Variants in BICC1 observed in about 807,000 individuals in gnomAD.
The protein encoded by BICC1 is BicC family RNA binding protein 1, also known as protein bicaudal C homolog 1.
In BICC1, 43 loss-of-function variants were observed where a neutral mutation model predicts 111.0. The ratio of observed to expected loss-of-function variants is 0.39; its 90% CI spans 0.30 to 0.50. The LOEUF is 0.50. BICC1 is among the 20% of genes least tolerant of loss of function. The pLI is 0.88. For missense variants in BICC1, 1,091 were observed against 1,203.2 expected (o/e 0.91, Z 1.38); for synonymous variants, 467 against 434.4 (o/e 1.07, Z -0.93).
rs1397134105 is a variant in BICC1, at chr10:58,828,964, G to A, written c.*73G>A. On this transcript the variant is annotated 3_prime_UTR_variant, in exon 21 of 21. Coordinates refer to ENST00000373886, the MANE Select transcript of BICC1 (RefSeq NM_001080512.3). The stretch of plus-strand genomic sequence containing the variant: ...AGGAGATGTATGAACAGCCTTCACA[G>A]CACACCATCCTTAGCACTCTGGGTG... The A allele has an allele frequency of 2.5e-6, 4 of 1,575,618 alleles. No homozygotes were observed. The highest frequency in any genetic ancestry group is 1.3e-5 in the African/African-American group (1 of 74,112).
rs1275020307 is a variant in BICC1 at position 58,813,984 on chromosome 10, C to T, written c.2531C>T (p.Ser844Leu). ...IGSPKRKQNK[S>L]TEHYLSSSNY... Reference sequence around the variant, plus strand: ...AGCCCTAAGCGTAAACAAAACAAATCAAGTGAGCGTTGTGTTTTATGCACA... The same window carrying T: ...AGCCCTAAGCGTAAACAAAACAAATTAAGTGAGCGTTGTGTTTTATGCACA... Residue 844 changes from serine (S) to leucine (L), a missense_variant and splice_region_variant, in exon 18 of 21, where the codon TCA becomes TTA. Ser to Leu is a moderately radical substitution (Grantham distance 145, BLOSUM62 -2). Around this residue, in one of 3 missense-constraint regions of BICC1, gnomAD observed 231 missense variants for 256.2 expected, o/e 0.90. Transcript: ENST00000373886. 1.2e-6 allele frequency: 2 copies of T among 1,613,860 alleles called. No individual in the cohort carries two copies. Among genetic ancestry groups the T allele is most frequent in the Non-Finnish European group, 1.7e-6 (2 of 1,179,922 alleles).
chr10:58,758,243 G>T (rs1842201666), intron 3 of BICC1, among the ~76,000 whole-genome samples: 1 of 152,068 alleles, frequency 6.6e-6, no homozygotes, highest in African/African-American at 2.4e-5. Context: ...TCATAAGTTT[G>T]CGGTTCCCAA....
intron 1 of BICC1, among the ~76,000 whole-genome samples, chr10:58,553,580 T>G (rs1158093639): frequency 6.6e-6 from 1 of 152,144 alleles, no homozygotes; most frequent in African/African-American, 2.4e-5. Context: ...AGTTGCTAAG[T>G]TTGTATTATT....
At chr10:58,784,640 G>A (rs1842961530) in intron 3 of BICC1, among the ~76,000 whole-genome samples, 1 of 152,048 alleles carries the variant, frequency 6.6e-6, no homozygotes, top group African/African-American at 2.4e-5. Context: ...TCAACCCTTA[G>A]AACAGGGCGG....
At chr10:58,534,881 T>G (rs1276401304) in intron 1 of BICC1, among the ~76,000 whole-genome samples, 1 of 151,004 alleles carries the variant, frequency 6.6e-6, no homozygotes, top group Non-Finnish European at 1.5e-5. Flanking sequence ...TTTAAAGAGA[T>G]AGATTTTTAA....
At chr10:58,515,729 G>T (rs1194040202) in intron 1 of BICC1, among the ~76,000 whole-genome samples, 1 of 152,138 alleles carries the variant, frequency 6.6e-6, no homozygotes, top group Non-Finnish European at 1.5e-5. Context: ...CCTTCAGTTT[G>T]CCCATCTGTA....
chr10:58,792,132 C>T (rs1161210267), intron 8 of BICC1, among the ~76,000 whole-genome samples: 1 of 152,104 alleles, frequency 6.6e-6, no homozygotes, highest in Admixed American at 6.6e-5. Flanking sequence ...ATGGTAACCT[C>T]TCCTGATATC....
chr10:58,812,623 A>G (rs901953551), intron 17 of BICC1, among the ~76,000 whole-genome samples: 1 of 151,704 alleles, frequency 6.6e-6, no homozygotes, highest in African/African-American at 2.4e-5. Context: ...GATTACAGGT[A>G]CGCACCACCA....
intron 1 of BICC1, among the ~76,000 whole-genome samples, chr10:58,613,926 C>T (rs990730453): frequency 3.3e-5 from 5 of 152,102 alleles, no homozygotes; most frequent in African/African-American, 1.2e-4. Flanking sequence ...ATGAAAGTGT[C>T]AGCTTTTCTG....
intron 1 of BICC1, among the ~76,000 whole-genome samples, chr10:58,547,932 C>T (rs536105399): frequency 6.6e-6 from 1 of 152,216 alleles, no homozygotes; most frequent in African/African-American, 2.4e-5. Context: ...CCAAGGAGCC[C>T]TGGTTTCTTT....
chr10:58,771,429 A>G (rs914401227), intron 3 of BICC1, among the ~76,000 whole-genome samples: 2 of 152,098 alleles, frequency 1.3e-5, no homozygotes, highest in African/African-American at 4.8e-5. Flanking sequence ...ATTAGATCAC[A>G]GGGCCTACAG....
intron 1 of BICC1, among the ~76,000 whole-genome samples, chr10:58,527,060 C>G (rs1324702264): frequency 1.3e-5 from 2 of 152,182 alleles, no homozygotes; most frequent in African/African-American, 4.8e-5. Flanking sequence ...TAAAAGTGTT[C>G]CTATTTCTCC....
At chr10:58,769,373 TGTATGTG>T (rs1180617200) in intron 3 of BICC1, among the ~76,000 whole-genome samples, 18 of 82,692 alleles carry the variant, frequency 2.2e-4, no homozygotes, top group South Asian at 1.0e-3. Context: ...AGTTTTATAA[TGTATGTG>T]TGTGTGTGTG....
chr10:58,572,555 A>C (rs1843991579), intron 1 of BICC1, among the ~76,000 whole-genome samples: 1 of 152,118 alleles, frequency 6.6e-6, no homozygotes, highest in Non-Finnish European at 1.5e-5. Flanking sequence ...TTTCATTTTT[A>C]ATCTAGTGTG....
intron 3 of BICC1, among the ~76,000 whole-genome samples, chr10:58,703,332 G>C (rs1218252298): frequency 6.6e-6 from 1 of 151,416 alleles, no homozygotes; most frequent in African/African-American, 2.4e-5. Context: ...GGTAATGTTT[G>C]CATTTTTTGT....
At chr10:58,750,598 A>G (rs1331211041) in intron 3 of BICC1, among the ~76,000 whole-genome samples, 3 of 152,138 alleles carry the variant, frequency 2.0e-5, no homozygotes, top group African/African-American at 7.2e-5. Flanking sequence ...CAGTTTGAAG[A>G]TGCATCACCA....
intron 2 of BICC1, among the ~76,000 whole-genome samples, chr10:58,683,753 A>C (rs906660599): frequency 6.6e-6 from 1 of 152,240 alleles, no homozygotes; most frequent in African/African-American, 2.4e-5. Context: ...GAAGTTGCTT[A>C]TCAGCTTAAG....
chr10:58,697,007 G>A (rs1840084024), intron 2 of BICC1, among the ~76,000 whole-genome samples: 1 of 152,106 alleles, frequency 6.6e-6, no homozygotes, highest in Admixed American at 6.6e-5. Flanking sequence ...TTAACTGACA[G>A]CATGATATTT....
At chr10:58,651,052 T>C (rs1838431589) in intron 2 of BICC1, among the ~76,000 whole-genome samples, 1 of 152,098 alleles carries the variant, frequency 6.6e-6, no homozygotes, top group Non-Finnish European at 1.5e-5. Context: ...ACAAATTACT[T>C]TTGTAGACGA....
Sources: allele counts gnomAD v4.1 joint callset (sites outside exome capture counted in the v4.1 genomes callset), GRCh38; gene constraint gnomAD v4.1.1; regional missense constraint gnomAD v4.1.1; transcripts MANE v1.5; gene names NCBI Gene and HGNC (gene_info 2026-07-23, HGNC 2026-07-21).